PCDHA4: variants seen among roughly 807,000 people sequenced by gnomAD.
The protein encoded by PCDHA4 is protocadherin alpha-4.
A neutral mutation model predicts 61.4 loss-of-function variants in PCDHA4; 49 were observed. The observed-to-expected ratio is 0.80, with a 90% confidence interval of 0.63 to 1.01. The LOEUF (loss-of-function observed/expected upper bound fraction) is 1.01, where lower values mean the gene tolerates loss of function less well. PCDHA4 is among the 50% of genes least tolerant of loss of function. The pLI is 0.00. For synonymous variants in PCDHA4, 590 were observed against 550.3 expected (o/e 1.07, Z -1.01); for missense variants, 1,254 against 1,235.8 (o/e 1.01, Z -0.22).
intron 1 of PCDHA4, among the ~76,000 whole-genome samples, chr5:140,917,287 G>C (rs190210744): frequency 6.8e-6 from 1 of 147,568 alleles, no homozygotes; most frequent in Non-Finnish European, 1.5e-5. Context: ...ACGCTTTTCC[G>C]TGTGCAGATA....
intron 1 of PCDHA4, chr5:140,829,251 G>A (rs1554131837): frequency 6.2e-7 from 1 of 1,614,150 alleles, no homozygotes; most frequent in East Asian, 2.2e-5. Context: ...CAGGTGAACT[G>A]CTCGCTGACG....
intron 1 of PCDHA4, among the ~76,000 whole-genome samples, chr5:140,933,313 C>T (rs977318847): frequency 3.9e-5 from 6 of 151,916 alleles, no homozygotes; most frequent in African/African-American, 1.4e-4. Context: ...TATGCAATCT[C>T]GTATTCTCCT....
intron 1 of PCDHA4, among the ~76,000 whole-genome samples, chr5:140,915,973 T>G (rs1472373994): frequency 3.9e-5 from 6 of 152,150 alleles, no homozygotes; most frequent in African/African-American, 1.4e-4. Context: ...TGATATTTTA[T>G]TTGACTACGG....
chr5:140,927,420 G>A (rs782549245), intron 1 of PCDHA4: 5 of 1,614,108 alleles, frequency 3.1e-6, no homozygotes, highest in Non-Finnish European at 4.2e-6. Flanking sequence ...TGGGATCGCG[G>A]GTTGACGGCA....
At chr5:140,975,634 A>G (rs1457671890) in intron 1 of PCDHA4, among the ~76,000 whole-genome samples, 4 of 152,244 alleles carry the variant, frequency 2.6e-5, no homozygotes, top group African/African-American at 9.6e-5. Context: ...TGGTACGAAG[A>G]TAGCATATTA....
intron 1 of PCDHA4, among the ~76,000 whole-genome samples, chr5:140,881,010 T>A (rs782629592): frequency 1.3e-5 from 2 of 152,198 alleles, no homozygotes; most frequent in Admixed American, 1.3e-4. Context: ...AGCAGAGCTA[T>A]GGAAATAAAC....
At chr5:140,962,220 T>A (rs1174731292) in intron 1 of PCDHA4, among the ~76,000 whole-genome samples, 2 of 152,186 alleles carry the variant, frequency 1.3e-5, no homozygotes, top group African/African-American at 4.8e-5. Flanking sequence ...GATCTTGAGG[T>A]TCAAGTTTCA....
chr5:140,876,642 A>G (rs908095775), intron 1 of PCDHA4: 10 of 1,614,024 alleles, frequency 6.2e-6, no homozygotes, highest in African/African-American at 1.3e-5. Context: ...GCTCACTGAC[A>G]CCTCATGTTC....
intron 1 of PCDHA4, among the ~76,000 whole-genome samples, chr5:140,920,617 G>A (rs569983611): frequency 9.7e-4 from 148 of 152,170 alleles, no homozygotes; most frequent in African/African-American, 2.6e-3. Context: ...AGGCCGAGGC[G>A]GATGGATCAC....
At chr5:140,883,924 G>T (rs1554180605) in intron 1 of PCDHA4, 14 of 1,613,506 alleles carry the variant, frequency 8.7e-6, no homozygotes, top group Non-Finnish European at 1.1e-5. Context: ...TGACGCTGCA[G>T]GTGTTCGTGC....
At chr5:140,909,582 T>G (rs1407869706) in intron 1 of PCDHA4, among the ~76,000 whole-genome samples, 1 of 152,298 alleles carries the variant, frequency 6.6e-6, no homozygotes, top group Non-Finnish European at 1.5e-5. Flanking sequence ...TGTGATATGT[T>G]TTTTGATTTA....
intron 1 of PCDHA4, 109 bp downstream of exon 1, chr5:140,809,681 T>A: frequency 7.6e-7 from 1 of 1,319,606 alleles, no homozygotes; most frequent in Non-Finnish European, 1.0e-6. Flanking sequence ...ATTTTACCTC[T>A]TTTTACATAT....
At chr5:140,948,136 T>C (rs2094216707) in intron 1 of PCDHA4, among the ~76,000 whole-genome samples, 1 of 151,776 alleles carries the variant, frequency 6.6e-6, no homozygotes, top group African/African-American at 2.4e-5. Flanking sequence ...ATTACACTAA[T>C]TGATTTTTGA....
chr5:140,968,184 C>T, intron 1 of PCDHA4: 1 of 1,614,050 alleles, frequency 6.2e-7, no homozygotes, highest in Non-Finnish European at 8.5e-7. Flanking sequence ...CTGGAGGACT[C>T]CTATTCCATC....
Position 140,942,409 on chromosome 5 carries a change from T to TA in PCDHA4, c.2386-36528dup, listed in dbSNP as rs78736997. On this transcript the variant is annotated intron_variant, in intron 1 of 3. Coordinates refer to ENST00000530339, the MANE Select transcript of PCDHA4 (RefSeq NM_018907.4). Reference sequence around the variant, plus strand: ...CCTGGGCGACAGATGAGACTCTGTTTAAAAAAAAAAAAGATATCTAACAAT... The same window carrying TA: ...CCTGGGCGACAGATGAGACTCTGTTTAAAAAAAAAAAAAGATATCTAACAAT... Among the ~76,000 whole-genome samples, 1,256 of 143,596 alleles carry TA rather than the reference T, an allele frequency of 8.7e-3. 8 individuals are homozygous for TA. Among genetic ancestry groups the TA allele is most frequent in the African/African-American group, 0.03 (1,168 of 39,342 alleles). 94.2% of individuals were successfully genotyped at this position (143,596 alleles called of 152,430 possible).
intron 1 of PCDHA4, among the ~76,000 whole-genome samples, chr5:140,902,203 C>CTT (rs148688132): frequency 1.7e-4 from 21 of 124,438 alleles, no homozygotes; most frequent in East Asian, 4.4e-4. Context: ...CTCTCTCTTT[C>CTT]TTTTTTTTTT....
intron 3 of PCDHA4, among the ~76,000 whole-genome samples, chr5:140,990,637 C>A (rs2097404568): frequency 6.6e-6 from 1 of 152,154 alleles, no homozygotes; most frequent in South Asian, 2.1e-4. Flanking sequence ...AGACTAGAAG[C>A]CTCAGCCAGT....
chr5:140,862,977 T>A, intron 1 of PCDHA4: 1 of 545,432 alleles, frequency 1.8e-6, no homozygotes, highest in East Asian at 4.8e-5. Context: ...GGCCACTTGG[T>A]GGCGAAGGTG....
At position 140,808,312 on chromosome 5, in the gene PCDHA4, C is replaced by G. The variant is rs1330097082; in HGVS notation, c.1125C>G (p.Ser375=). Residue 375 remains serine, a synonymous_variant, in exon 1 of 4, where the codon TCC becomes TCG. Coordinates refer to ENST00000530339, the MANE Select transcript of PCDHA4 (RefSeq NM_018907.4). The part of the protein sequence containing the change: ...LGTVIALISV[S]DKDMGVNGLV... Reference sequence around the variant, plus strand: ...CAGTCATCGCCCTGATCAGCGTGTCCGACAAAGACATGGGTGTCAATGGGC... The same window carrying G: ...CAGTCATCGCCCTGATCAGCGTGTCGGACAAAGACATGGGTGTCAATGGGC... The G allele has an allele frequency of 3.1e-6, 5 of 1,614,124 alleles. No homozygotes were observed. The highest frequency in any genetic ancestry group is 4.2e-6 in the Non-Finnish European group (5 of 1,180,058).
Sources: gnomAD v4.1 joint callset for allele counts (sites outside exome capture counted in the v4.1 genomes callset) on GRCh38, gnomAD v4.1.1 for gene constraint, MANE v1.5 for transcripts, NCBI Gene and HGNC (gene_info 2026-07-23, HGNC 2026-07-21) for gene names.